PIEZO1: variants seen among roughly 807,000 people sequenced by gnomAD.
The protein encoded by PIEZO1 is piezo type mechanosensitive ion channel component 1 (Er blood group), also known as piezo-type mechanosensitive ion channel component 1.
PIEZO1 carries 296 observed loss-of-function variants against 297.2 expected under a neutral mutation model. The observed-to-expected ratio is 1.00, with a 90% CI of 0.91 to 1.10. The LOEUF is 1.10. Among genes scored for constraint, PIEZO1 ranks in the 50% least tolerant of loss-of-function variants. The pLI is 0.00. For missense variants in PIEZO1, 5,018 were observed against 3,455.5 expected (o/e 1.45, Z -11.34); for synonymous variants, 2,427 against 1,507.5 (o/e 1.61, Z -14.13).
At chr16:88,770,836 G>A (rs553186851) in intron 1 of PIEZO1, among the ~76,000 whole-genome samples, 9 of 152,366 alleles carry the variant, frequency 5.9e-5, no homozygotes, top group African/African-American at 2.2e-4. Flanking sequence ...CACCAGAGTC[G>A]CTGGGCCTCA....
intron 1 of PIEZO1, among the ~76,000 whole-genome samples, chr16:88,781,722 G>C (rs753244822): frequency 3.9e-5 from 6 of 152,274 alleles, no homozygotes; most frequent in Non-Finnish European, 5.9e-5. Flanking sequence ...GCCATGCTCA[G>C]CTCAGAGGGT....
chr16:88,723,954 A>G lies in PIEZO1; in HGVS notation c.4252T>C (p.Tyr1418His), dbSNP rs147153006. 4.9e-4 allele frequency: 765 copies of G among 1,547,298 alleles called. 1 individual carries two copies. Among genetic ancestry groups the G allele is most frequent in the Middle Eastern group, 1.2e-3 (7 of 5,986 alleles). Residue 1418 changes from tyrosine to histidine, a missense_variant, in exon 31 of 51, where the codon TAC becomes CAC. Physicochemically the swap from Tyr to His is moderately conservative, Grantham distance 83. Coordinates refer to ENST00000301015, the MANE Select transcript of PIEZO1 (RefSeq NM_001142864.4). ...TCACTGTCGGACTCAAACAGGAAGT[A>G]GTCCCCGGAGTGGATGACTGTGGGC... ...DHATVIHSGD[Y>H]FLFESDSEEE...
intron 1 of PIEZO1, among the ~76,000 whole-genome samples, chr16:88,750,204 C>T (rs551745737): frequency 2.2e-4 from 34 of 151,996 alleles, no homozygotes; most frequent in African/African-American, 6.0e-4. Context: ...GGTGTGGTGG[C>T]GGGCACCTGT....
chr16:88,768,856 A>G (rs1907296517), intron 1 of PIEZO1, among the ~76,000 whole-genome samples: 1 of 152,234 alleles, frequency 6.6e-6, no homozygotes, highest in Non-Finnish European at 1.5e-5. Flanking sequence ...TCCGGGGCAC[A>G]GCAGTATTGT....
In PIEZO1 at chr16:88,715,356, T is replaced by C; in HGVS notation, c.*249A>G. On this transcript the variant is annotated 3_prime_UTR_variant, in exon 51 of 51. Transcript: ENST00000301015. ...ACTGGCCTCTGATTGTCCATTTGTA[T>C]AAATAAAACATTTTTTAATTAAAAA... The C allele has an allele frequency of 8.1e-7, 1 of 1,240,742 alleles. No homozygotes were observed. The allele number at this position is 1,240,742 out of a possible 1,614,324, so 76.9% of individuals were successfully genotyped here.
intron 23 of PIEZO1, 150 bp from the exon 24 acceptor site, chr16:88,727,342 G>A (rs1597451062): frequency 2.1e-6 from 2 of 939,478 alleles, no homozygotes; most frequent in South Asian, 1.7e-5. Context: ...GGGTGTCCCT[G>A]GGGGAGCCCC....
intron 27 of PIEZO1, chr16:88,725,892 G>A (rs1332025838): frequency 1.4e-5 from 8 of 582,426 alleles, no homozygotes; most frequent in African/African-American, 5.6e-5. Context: ...CAGATGCAGG[G>A]GCGTCTGGTG....
Position 88,731,731 on chromosome 16 carries a change from C to A in PIEZO1, c.3171G>T (p.Leu1057=). 6.5e-7 allele frequency: 1 copy of A among 1,549,796 alleles called. No homozygotes were observed. Among genetic ancestry groups the A allele is most frequent in the East Asian group, 2.5e-5 (1 of 40,790 alleles). ...CAATGCACAGGGCCGGGGGCATCCC[C>A]AGGCACAGCAGGTACTGGTACAGCA... ...LFLLYQYLLC[L]GMPPALCIDY... The change falls in exon 22 of 51, where the codon CTG becomes CTT. Residue 1057 remains leucine (L), a synonymous_variant. Coordinates refer to ENST00000301015, the MANE Select transcript of PIEZO1 (RefSeq NM_001142864.4).
At chr16:88,766,152 T>C (rs1244314082) in intron 1 of PIEZO1, among the ~76,000 whole-genome samples, 1 of 152,188 alleles carries the variant, frequency 6.6e-6, no homozygotes, top group Non-Finnish European at 1.5e-5. Flanking sequence ...CCCAGTTTAG[T>C]CAAACGCCAA....
intron 10 of PIEZO1, 48 bp downstream of exon 10, chr16:88,737,511 C>A: frequency 7.5e-7 from 1 of 1,327,910 alleles, no homozygotes; most frequent in South Asian, 1.3e-5. Context: ...CACCGGCCTC[C>A]GCCCCGCCCC....
rs1061228 is a variant in PIEZO1 at position 88,715,671 on chromosome 16, G to C, written c.7500C>G (p.Tyr2500Ter). 1 of 1,550,162 alleles carries C rather than the reference G, an allele frequency of 6.5e-7. No homozygotes were observed. The highest frequency in any genetic ancestry group is 1.2e-5 in the South Asian group (1 of 84,066). ...TRELELEEELYAKLIFLYRSP... is the reference protein window; with the variant it reads ...TRELELEEEL ...AGCGGTAGAGGAAGATGAGCTTGGC[G>C]TACAACTCCTCCTCCAGCTCCAGCT... Residue 2500 changes from tyrosine to a stop codon, truncating the protein, a stop_gained, in exon 51 of 51, where the codon TAC (tyrosine) becomes TAG (stop). Coordinates refer to ENST00000301015, the MANE Select transcript of PIEZO1 (RefSeq NM_001142864.4). LOFTEE classifies it high-confidence loss of function.
chr16:88,751,049 T>G (rs548034845), intron 1 of PIEZO1, among the ~76,000 whole-genome samples: 34 of 152,036 alleles, frequency 2.2e-4, no homozygotes, highest in African/African-American at 8.2e-4. Flanking sequence ...GGGGAGGCCA[T>G]GCGTGCCACC....
intron 1 of PIEZO1, among the ~76,000 whole-genome samples, chr16:88,779,582 C>T (rs548808711): frequency 6.6e-6 from 1 of 152,326 alleles, no homozygotes; most frequent in Non-Finnish European, 1.5e-5. Context: ...AGAGCTCTGT[C>T]CCACAGGACC....
Position 88,716,458 on chromosome 16 carries a change from C to G in PIEZO1, c.6952G>C (p.Glu2318Gln). The G allele has an allele frequency of 6.5e-7, 1 of 1,549,408 alleles. No individual in the cohort carries two copies. Among genetic ancestry groups the G allele is most frequent in the Non-Finnish European group, 8.7e-7 (1 of 1,146,436 alleles). The change falls in exon 48 of 51, where the codon GAG becomes CAG. Residue 2318 changes from glutamate to glutamine, a missense_variant. Glu to Gln is a conservative substitution (Grantham distance 29). Coordinates refer to ENST00000301015, the MANE Select transcript of PIEZO1 (RefSeq NM_001142864.4). ...AGCATGTGCTTCTCGTTGGCATACTCCACAGTGCCTCCCTTCGCCAGGTCC... is the reference window on the plus strand; with the variant it reads ...AGCATGTGCTTCTCGTTGGCATACTGCACAGTGCCTCCCTTCGCCAGGTCC... ...QRDLAKGGTV[E>Q]YANEKHMLAL...
intron 1 of PIEZO1, among the ~76,000 whole-genome samples, chr16:88,784,259 G>GC (rs1397321113): frequency 6.6e-6 from 1 of 152,224 alleles, no homozygotes; most frequent in African/African-American, 2.4e-5. Flanking sequence ...GCCGGCCCCC[G>GC]CCCCTGCGAA....
chr16:88,731,522 C>T (rs991721632), intron 22 of PIEZO1, 184 bp downstream of exon 22: 19 of 585,778 alleles, frequency 3.2e-5, no homozygotes, highest in African/African-American at 1.3e-4. Context: ...GGGGCCAGGC[C>T]GCCCCCGAGA....
intron 23 of PIEZO1, 132 bp from the exon 24 acceptor site, chr16:88,727,324 G>A: frequency 9.3e-7 from 1 of 1,070,080 alleles, no homozygotes; most frequent in Non-Finnish European, 1.3e-6. Flanking sequence ...CTGCCTGGGT[G>A]AGTGGCCGGG....
At chr16:88,729,441 A>G (rs1298761039) in intron 22 of PIEZO1, among the ~76,000 whole-genome samples, 1 of 117,884 alleles carries the variant, frequency 8.5e-6, no homozygotes, top group Non-Finnish European at 1.9e-5. Flanking sequence ...AACCCAGGAC[A>G]TGCTGATCTC....
chr16:88,768,829 C>T (rs183376953), intron 1 of PIEZO1, among the ~76,000 whole-genome samples: 123 of 152,366 alleles, frequency 8.1e-4, no homozygotes, highest in Middle Eastern at 6.8e-3. Context: ...AGCGACACCG[C>T]GAGCTGCAGG....
Sources: gnomAD v4.1 joint callset for allele counts (sites outside exome capture counted in the v4.1 genomes callset) on GRCh38, gnomAD v4.1.1 for gene constraint, MANE v1.5 for transcripts, NCBI Gene and HGNC (gene_info 2026-07-23, HGNC 2026-07-21) for gene names.